The following CSMD1 variants were observed in gnomAD, a reference collection of about 807,000 sequenced individuals.
CSMD1 encodes CUB and sushi domain-containing protein 1.
In CSMD1, 213 loss-of-function variants were observed where a neutral mutation model predicts 417.5. That is an observed-to-expected ratio of 0.51 (90% CI 0.46 to 0.57). The LOEUF (loss-of-function observed/expected upper bound fraction) is 0.57. Among genes scored for constraint, CSMD1 ranks in the 20% least tolerant of loss-of-function variants. The pLI, the probability that CSMD1 is intolerant of heterozygous loss-of-function variation, is 0.00. For synonymous variants in CSMD1, 2,862 were observed against 1,736.8 expected, an observed-to-expected ratio of 1.65 and a Z score of -16.11; for missense variants, 6,923 against 4,529.7, an observed-to-expected ratio of 1.53 and a Z score of -15.17.
At chr8:4,318,210 T>C (rs1272964826) in intron 3 of CSMD1, among the ~76,000 whole-genome samples, 3 of 152,230 alleles carry the variant, frequency 2.0e-5, no homozygotes, top group African/African-American at 7.2e-5. Context: ...TGATAATTAT[T>C]ACAACTATTA....
chr8:3,806,396 A>T (rs928393276), intron 5 of CSMD1, among the ~76,000 whole-genome samples: 5 of 152,218 alleles, frequency 3.3e-5, no homozygotes, highest in Admixed American at 1.3e-4. Flanking sequence ...GGGACACAAA[A>T]GCGTGTGTGA....
In CSMD1 at chr8:3,097,041, G is replaced by C. The variant is rs558059671; in HGVS notation, c.6950-4C>G. 7.2e-6 allele frequency: 11 copies of C among 1,522,108 alleles called. No individual in the cohort carries two copies. The highest frequency in any genetic ancestry group is 1.3e-5 in the South Asian group (1 of 79,360). The allele number at this position is 1,522,108 out of a possible 1,614,324, so 94.3% of individuals were successfully genotyped here. ...ACTTCATTTGCTGGGCATTGTGCTG[G>C]AGAGAAAAGTACCAGCAAAAGTTTG... On this transcript the variant is annotated splice_polypyrimidine_tract_variant and splice_region_variant and intron_variant, in intron 46 of 69. Coordinates refer to ENST00000635120, the MANE Select transcript of CSMD1 (RefSeq NM_033225.6).
In CSMD1 at chr8:3,977,817, T is replaced by C. The variant is rs1017891380; in HGVS notation, c.818+20086A>G. Among the ~76,000 whole-genome samples, 3 of 152,170 alleles carry C rather than the reference T, an allele frequency of 2.0e-5. No homozygotes were observed. In the East Asian group the frequency reaches 5.8e-4, roughly 29 times the overall value. ...TTTCATTACCTATTTCCTTATATGA[T>C]TCTGTAGGTTTTCAGCAAGTCACAA... On this transcript the variant is annotated intron_variant, in intron 5 of 69. Transcript: ENST00000635120.
chr8:2,939,779 G>A (rs2128911892), intron 69 of CSMD1, among the ~76,000 whole-genome samples: 1 of 152,362 alleles, frequency 6.6e-6, no homozygotes, highest in Non-Finnish European at 1.5e-5. Flanking sequence ...TGCCCTTGGA[G>A]TGGGAGAGGT....
At chr8:4,261,305 G>T (rs1193687888) in intron 3 of CSMD1, among the ~76,000 whole-genome samples, 1 of 152,044 alleles carries the variant, frequency 6.6e-6, no homozygotes, top group Non-Finnish European at 1.5e-5. Flanking sequence ...AATAACCCAG[G>T]CATAGAAAGA....
At chr8:3,283,333 G>A (rs763696609) in intron 26 of CSMD1, among the ~76,000 whole-genome samples, 1 of 152,114 alleles carries the variant, frequency 6.6e-6, no homozygotes, top group Non-Finnish European at 1.5e-5. Context: ...TCGGGGCTGG[G>A]TTAGGGGAGC....
chr8:3,196,681 C>T (rs1429833414), intron 33 of CSMD1, among the ~76,000 whole-genome samples: 1 of 152,274 alleles, frequency 6.6e-6, no homozygotes, highest in East Asian at 1.9e-4. Context: ...GTTGGGCAGG[C>T]AGGACTCATG....
chr8:3,429,779 G>T (rs1263307384), intron 12 of CSMD1, among the ~76,000 whole-genome samples: 5 of 151,976 alleles, frequency 3.3e-5, no homozygotes, highest in African/African-American at 1.2e-4. Flanking sequence ...GTTTTCTATG[G>T]TTTGTAATTT....
chr8:4,743,284 A>C (rs905075792), intron 1 of CSMD1, among the ~76,000 whole-genome samples: 3 of 152,218 alleles, frequency 2.0e-5, no homozygotes, highest in Non-Finnish European at 4.4e-5. Flanking sequence ...AATTCTAAAC[A>C]AGAAATATCC....
chr8:3,497,625 G>A (rs1001892843), intron 10 of CSMD1, among the ~76,000 whole-genome samples: 1 of 152,138 alleles, frequency 6.6e-6, no homozygotes, highest in Admixed American at 6.5e-5. Context: ...ATTCCTGCTA[G>A]TTTTTGGTTT....
At position 4,256,707 on chromosome 8, in the gene CSMD1, T is replaced by G. The variant is rs1443269632; in HGVS notation, c.415+163246A>C. The stretch of plus-strand genomic sequence containing the variant: ...CCCAGCAGATGGGCCGGGCGTGGTG[T>G]GGGGGAAGGAAGGCGCCAGGCACAG... On this transcript the variant is annotated intron_variant, in intron 3 of 69. Coordinates refer to ENST00000635120, the MANE Select transcript of CSMD1 (RefSeq NM_033225.6). Among the ~76,000 whole-genome samples the G allele has an allele frequency of 3.3e-5, 5 of 151,710 alleles. No homozygotes were observed. The East Asian group carries it at 9.8e-4, about 30-fold the overall frequency.
At chr8:4,850,784 C>T (rs894589136) in intron 1 of CSMD1, among the ~76,000 whole-genome samples, 15 of 152,088 alleles carry the variant, frequency 9.9e-5, no homozygotes, top group African/African-American at 2.7e-4. Flanking sequence ...TAGTGGCTTG[C>T]CTATTATTTT....
intron 12 of CSMD1, among the ~76,000 whole-genome samples, chr8:3,429,519 G>T (rs1814077259): frequency 6.6e-6 from 1 of 152,144 alleles, no homozygotes; most frequent in Admixed American, 6.5e-5. Context: ...AAGGCATGAA[G>T]ACACTTTGGG....
At chr8:3,138,363 C>G (rs1818230519) in intron 41 of CSMD1, among the ~76,000 whole-genome samples, 1 of 152,188 alleles carries the variant, frequency 6.6e-6, no homozygotes, top group Admixed American at 6.5e-5. Flanking sequence ...TTAGAGCAAA[C>G]TAAATTTTGG....
intron 3 of CSMD1, among the ~76,000 whole-genome samples, chr8:4,035,178 G>A (rs1563345020): frequency 6.6e-6 from 1 of 152,074 alleles, no homozygotes. Context: ...TACTGATGTT[G>A]TAGCCGTCAT....
At chr8:4,182,798 T>C (rs1434006982) in intron 3 of CSMD1, among the ~76,000 whole-genome samples, 3 of 152,286 alleles carry the variant, frequency 2.0e-5, no homozygotes, top group Admixed American at 6.5e-5. Context: ...GTGAAGGGAA[T>C]ATAATCAAGT....
At chr8:4,984,170 T>C (rs1811052517) in intron 1 of CSMD1, among the ~76,000 whole-genome samples, 1 of 152,222 alleles carries the variant, frequency 6.6e-6, no homozygotes, top group Non-Finnish European at 1.5e-5. Flanking sequence ...TATTACATCC[T>C]GGAGGTCATT....
intron 41 of CSMD1, among the ~76,000 whole-genome samples, chr8:3,125,742 C>G (rs191697080): frequency 2.0e-5 from 3 of 152,092 alleles, no homozygotes. Context: ...TTTGGGAGGC[C>G]GAGGTGGGCA....
chr8:4,739,226 G>T (rs1041729885), intron 1 of CSMD1, among the ~76,000 whole-genome samples: 10 of 152,108 alleles, frequency 6.6e-5, no homozygotes, highest in African/African-American at 9.7e-5. Flanking sequence ...ATCCTATGTT[G>T]TTGAGCCTGC....
Sources: allele counts gnomAD v4.1 joint callset (sites outside exome capture counted in the v4.1 genomes callset), GRCh38; gene constraint gnomAD v4.1.1; transcripts MANE v1.5; gene names NCBI Gene and HGNC (gene_info 2026-07-23, HGNC 2026-07-21).